WDR73: variants seen among roughly 807,000 people sequenced by gnomAD.
The protein encoded by WDR73 is WD repeat domain 73.
A neutral mutation model predicts 38.2 loss-of-function variants in WDR73; 30 were observed. That is an observed-to-expected ratio of 0.79 (90% CI 0.59 to 1.06). The LOEUF (loss-of-function observed/expected upper bound fraction) is 1.06. WDR73 is among the 50% of genes least tolerant of loss of function. The pLI, the probability that WDR73 is intolerant of heterozygous loss-of-function variation, is 0.00. For missense variants in WDR73, 487 were observed against 467.0 expected, an observed-to-expected ratio of 1.04 and a Z score of -0.40; for synonymous variants, 197 against 176.0, an observed-to-expected ratio of 1.12 and a Z score of -0.94.
chr15:84,643,609 A>G lies in WDR73; in HGVS notation c.998T>C (p.Leu333Pro), dbSNP rs900951525. The G allele has an allele frequency of 1.9e-6, 3 of 1,612,830 alleles. No individual in the cohort carries two copies. Among genetic ancestry groups the G allele is most frequent in the African/African-American group, 1.3e-5 (1 of 74,914 alleles). Reference protein sequence around the residue: ...PLFTHRGHIFLDGNGMDPAPL... With the variant: ...PLFTHRGHIFPDGNGMDPAPL... Reference sequence around the variant, plus strand: ...AGCAGGGTCCATCCCATTTCCATCTAGGAAGATGTGACCTCTGTGAGTGAA... The same window carrying G: ...AGCAGGGTCCATCCCATTTCCATCTGGGAAGATGTGACCTCTGTGAGTGAA... The change falls in exon 8 of 8, where the codon CTA becomes CCA. Residue 333 changes from leucine to proline, a missense_variant. Transcript: ENST00000434634.
chr15:84,645,955 C>T lies in WDR73; in HGVS notation c.518-119G>A, dbSNP rs1433942735. ...TCCCAGGCAGAATAAATCACATCTC[C>T]CTTCCCACTCATCTCACCATTGTCT... On this transcript the variant is annotated intron_variant, in intron 6 of 7. Transcript: ENST00000434634. 1.3e-6 allele frequency: 2 copies of T among 1,555,280 alleles called. 1 individual carries two copies. The highest frequency in any genetic ancestry group is 4.8e-5 in the East Asian group (2 of 41,988).
chr15:84,648,128 T>G, intron 4 of WDR73, 174 bp from the exon 5 acceptor site: 1 of 648,012 alleles, frequency 1.5e-6, no homozygotes, highest in South Asian at 1.8e-5. Flanking sequence ...CTCAATCAAC[T>G]TTAGGGAGAC....
At chr15:84,644,561 T>TAG (rs1896380129) in intron 7 of WDR73, 1 of 151,014 alleles carries the variant, frequency 6.6e-6, no homozygotes, top group Non-Finnish European at 1.5e-5. Flanking sequence ...CCTGCTGACC[T>TAG]AGCTGGCTTG....
At position 84,639,766 on chromosome 15, in the gene WDR73, C is replaced by CA. The variant is rs1491526406; in HGVS notation, c.*3703dup. The CA allele has an allele frequency of 6.6e-6, 1 of 152,234 alleles. No individual in the cohort carries two copies. Among genetic ancestry groups the CA allele is most frequent in the Non-Finnish European group, 1.5e-5 (1 of 68,086 alleles). 9.4% of individuals were successfully genotyped at this position (152,234 alleles called of 1,614,324 possible). On this transcript the variant is annotated 3_prime_UTR_variant, in exon 8 of 8. Transcript: ENST00000434634. ...AAACCAAGATTTTTCTGGGAATTCT[C>CA]AGAGGCCTGGATCCACGAAAAACTC... is the stretch of plus-strand genomic sequence containing the variant.
At position 84,643,614 on chromosome 15, in the gene WDR73, G is replaced by T; in HGVS notation, c.993C>A (p.Ile331=). ...VEPLFTHRGH[I]FLDGNGMDPA... is the part of the protein sequence containing the mutation. ...GGTCCATCCCATTTCCATCTAGGAAGATGTGACCTCTGTGAGTGAAGAGAG... is the reference window on the plus strand; with the variant it reads ...GGTCCATCCCATTTCCATCTAGGAATATGTGACCTCTGTGAGTGAAGAGAG... Residue 331 remains isoleucine (I), a synonymous_variant, in exon 8 of 8, where the codon ATC becomes ATA. Transcript: ENST00000434634. The T allele has an allele frequency of 1.2e-6, 2 of 1,612,962 alleles. No individual in the cohort carries two copies. The highest frequency in any genetic ancestry group is 1.3e-5 in the African/African-American group (1 of 75,020).
chr15:84,645,648 C>T lies in WDR73; in HGVS notation c.706G>A (p.Gly236Ser), dbSNP rs2141836762. ...AGGCTGGCAATGCTGGGCCCAGGGC[C>T]CTGGCCCCAGCTCCCAACTTCAGCA... is the stretch of plus-strand genomic sequence containing the variant. ...WCAEVGSWGQGPGPSIASLGS... is the reference protein window; with the variant it reads ...WCAEVGSWGQSPGPSIASLGS... The change falls in exon 7 of 8, where the codon GGC becomes AGC. Residue 236 changes from glycine to serine, a missense_variant. By Grantham distance (56) the Gly-to-Ser change is moderately conservative (BLOSUM62 0). Coordinates refer to ENST00000434634, the MANE Select transcript of WDR73 (RefSeq NM_032856.5). 4 of 1,608,468 alleles carry T rather than the reference C, an allele frequency of 2.5e-6. No homozygotes were observed. Among genetic ancestry groups the T allele is most frequent in the Non-Finnish European group, 3.4e-6 (4 of 1,177,602 alleles).
Position 84,643,225 on chromosome 15 carries a change from T to C in WDR73, c.*245A>G. The C allele has an allele frequency of 1.9e-6, 1 of 533,752 alleles. No homozygotes were observed. Among genetic ancestry groups the C allele is most frequent in the South Asian group, 2.4e-5 (1 of 42,510 alleles). The allele number at this position is 533,752 out of a possible 1,614,324, so 33.1% of individuals were successfully genotyped here. A position where few individuals can be genotyped will look rare whatever the true frequency, so the allele number is the denominator to read the frequency against. On this transcript the variant is annotated 3_prime_UTR_variant, in exon 8 of 8. Transcript: ENST00000434634. ...AACGCTACCATTTCACACTCCCAGA[T>C]CTAACAATAGCTACCAAGTAATTAT...
chr15:84,652,049 G>T (rs527730311), intron 3 of WDR73, among the ~76,000 whole-genome samples: 1 of 152,062 alleles, frequency 6.6e-6, no homozygotes, highest in Non-Finnish European at 1.5e-5. Flanking sequence ...TGTATTTTTA[G>T]TAGAGACGGG....
intron 7 of WDR73, 114 bp downstream of exon 7, chr15:84,645,357 A>C: frequency 6.5e-7 from 1 of 1,547,848 alleles, no homozygotes; most frequent in Non-Finnish European, 8.7e-7. Flanking sequence ...TCTGTGAGCA[A>C]CTTTAACTCC....
intron 3 of WDR73, among the ~76,000 whole-genome samples, chr15:84,651,929 A>G (rs1327525699): frequency 6.6e-6 from 1 of 151,980 alleles, no homozygotes; most frequent in Non-Finnish European, 1.5e-5. Context: ...GTGCAGTGGC[A>G]CGATCTCAGC....
In WDR73 at chr15:84,649,461, CTTTTT is replaced by C. The variant is rs762810980; in HGVS notation, c.199-841_199-837del. ...CTGGGTTTTATGAGTACAAATTTGG[CTTTTT>C]TTTTTTTTTTAACTTTTTTTTGAGA... On this transcript the variant is annotated intron_variant, in intron 3 of 7. Transcript: ENST00000434634. Among the ~76,000 whole-genome samples, 6 of 138,998 alleles carry C rather than the reference CTTTTT, an allele frequency of 4.3e-5. 1 individual carries two copies. The highest frequency in any genetic ancestry group is 1.6e-4 in the African/African-American group (6 of 37,946). The allele number at this position is 138,998 out of a possible 152,430, so 91.2% of individuals were successfully genotyped here.
At position 84,643,683 on chromosome 15, in the gene WDR73, C is replaced by G. The variant is rs1187409115; in HGVS notation, c.924G>C (p.Trp308Cys). Residue 308 changes from tryptophan to cysteine, a missense_variant, in exon 8 of 8, where the codon TGG (tryptophan) becomes TGC (cysteine). Physicochemically the swap from Trp to Cys is radical, Grantham distance 215. Transcript: ENST00000434634. ...GTVQVYDATS[W>C]DGTRSQDGTR... The stretch of plus-strand genomic sequence containing the variant: ...TTCCATCTTGGCTCCGTGTTCCATC[C>G]CAAGATGTGGCATCATAGACCTGGA... 7 of 1,606,996 alleles carry G rather than the reference C, an allele frequency of 4.4e-6. No individual in the cohort carries two copies. Among genetic ancestry groups the G allele is most frequent in the Non-Finnish European group, 6.0e-6 (7 of 1,175,312 alleles).
intron 5 of WDR73, chr15:84,646,562 A>C (rs530099200): frequency 2.7e-6 from 2 of 732,914 alleles, no homozygotes; most frequent in Non-Finnish European, 3.9e-6. Context: ...TTTGTCTTAT[A>C]AACTGTTTTT....
At chr15:84,644,576 T>A (rs1449888472) in intron 7 of WDR73, 1 of 63,154 alleles carries the variant, frequency 1.6e-5, no homozygotes, top group African/African-American at 4.8e-5. Flanking sequence ...GGCTTGCTAC[T>A]TTTTTTTTTT....
chr15:84,643,308 A>C lies in WDR73; in HGVS notation c.*162T>G. 1.2e-6 allele frequency: 1 copy of C among 818,302 alleles called. No individual in the cohort carries two copies. 50.7% of individuals were successfully genotyped at this position (818,302 alleles called of 1,614,324 possible). On this transcript the variant is annotated 3_prime_UTR_variant, in exon 8 of 8. Coordinates refer to ENST00000434634, the MANE Select transcript of WDR73 (RefSeq NM_032856.5). ...CTACGAGGTAGTTCTTACTATCCTC[A>C]TTTTACAGATAAGGAAACTGAGGCT... is the stretch of plus-strand genomic sequence containing the variant.
At position 84,653,972 on chromosome 15, in the gene WDR73, C is replaced by T. The variant is rs147776100; in HGVS notation, c.41+262G>A. On this transcript the variant is annotated intron_variant, in intron 1 of 7. Coordinates refer to ENST00000434634, the MANE Select transcript of WDR73 (RefSeq NM_032856.5). ...GATCATCTGTGTTCTGAGCTGAACT[C>T]AGAGGCTGGCGCAAACTAACTGGGC... 0.01 allele frequency: 6,295 copies of T among 604,736 alleles called. 52 individuals are homozygous for T. Among genetic ancestry groups the T allele is most frequent in the Middle Eastern group, 0.015 (35 of 2,374 alleles). The allele number at this position is 604,736 out of a possible 1,614,324, so 37.5% of individuals were successfully genotyped here.
intron 7 of WDR73, 182 bp from the exon 8 acceptor site, chr15:84,643,905 C>A: frequency 1.5e-6 from 1 of 661,108 alleles, no homozygotes; most frequent in Non-Finnish European, 2.4e-6. Context: ...GCACCCAGCC[C>A]CTAAAATACT....
At chr15:84,654,111 G>A in intron 1 of WDR73, 123 bp downstream of exon 1, 3 of 1,325,412 alleles carry the variant, frequency 2.3e-6, no homozygotes, top group South Asian at 2.4e-5. Context: ...CCACGGTGGC[G>A]AGCCCCGAGG....
intron 7 of WDR73, chr15:84,645,140 CG>C: frequency 9.1e-7 from 1 of 1,099,220 alleles, no homozygotes; most frequent in Non-Finnish European, 1.1e-6. Context: ...TTAGTAGGGA[CG>C]GGGTTTCACC....
Sources: gnomAD v4.1 joint callset for allele counts (sites outside exome capture counted in the v4.1 genomes callset) on GRCh38, gnomAD v4.1.1 for gene constraint, MANE v1.5 for transcripts, NCBI Gene and HGNC (gene_info 2026-07-23, HGNC 2026-07-21) for gene names.